TBCE: variants seen among roughly 807,000 people sequenced by gnomAD.
TBCE encodes tubulin folding cofactor E, also known as tubulin-specific chaperone E.
TBCE carries 53 observed loss-of-function variants against 77.0 expected under a neutral mutation model. The ratio of observed to expected loss-of-function variants is 0.69; its 90% CI spans 0.55 to 0.87. TBCE has a LOEUF of 0.87. Ranked by LOEUF, TBCE falls within the 40% of genes least tolerant of loss-of-function variation. TBCE has a pLI of 0.00. For missense variants in TBCE, 624 were observed against 622.4 expected (o/e 1.00, Z -0.03); for synonymous variants, 235 against 241.3 (o/e 0.97, Z 0.24).
chr1:235,414,907 C>A (rs548404648), intron 4 of TBCE: 1 of 370,408 alleles, frequency 2.7e-6, no homozygotes, highest in East Asian at 6.2e-5. Context: ...CCAAGGCTGA[C>A]GTTTGGGTTC....
At position 235,448,651 on chromosome 1, in the gene TBCE, A is replaced by G. The variant is rs1185930748; in HGVS notation, c.1492-19A>G. The G allele has an allele frequency of 1.9e-6, 3 of 1,601,220 alleles. No individual in the cohort carries two copies. Among genetic ancestry groups the G allele is most frequent in the Non-Finnish European group, 2.6e-6 (3 of 1,168,612 alleles). ...ATCTGTCTTAATCACATCCTTCCCC[A>G]CCTTCGTTCTAATTTTAGAAGCCGG... On this transcript the variant is annotated intron_variant, in intron 16 of 16. Coordinates refer to ENST00000642610, the MANE Select transcript of TBCE (RefSeq NM_003193.5).
intron 3 of TBCE, among the ~76,000 whole-genome samples, chr1:235,402,794 TA>T (rs1558363644): frequency 6.6e-6 from 1 of 151,544 alleles, no homozygotes; most frequent in African/African-American, 2.4e-5. Flanking sequence ...CCAGCTAATT[TA>T]AAAAAATAAA....
At chr1:235,416,503 G>A (rs1344988345) in intron 4 of TBCE, among the ~76,000 whole-genome samples, 20 of 150,954 alleles carry the variant, frequency 1.3e-4, no homozygotes, top group Non-Finnish European at 2.9e-4. Context: ...TCCAGCCTAG[G>A]TGACATAGTG....
At chr1:235,370,433 A>G (rs1167859732) in intron 1 of TBCE, among the ~76,000 whole-genome samples, 1 of 151,116 alleles carries the variant, frequency 6.6e-6, no homozygotes, top group Non-Finnish European at 1.5e-5. Flanking sequence ...TTGTATTTTT[A>G]GTAGAGATGG....
chr1:235,421,954 C>G (rs1179920968), intron 5 of TBCE, among the ~76,000 whole-genome samples: 4 of 152,216 alleles, frequency 2.6e-5, no homozygotes, highest in Non-Finnish European at 1.5e-5. Context: ...TGAGGGTTCA[C>G]TTCCCTTGGG....
intron 2 of TBCE, among the ~76,000 whole-genome samples, chr1:235,382,281 G>C (rs1264609593): frequency 6.6e-6 from 1 of 152,054 alleles, no homozygotes; most frequent in South Asian, 2.1e-4. Flanking sequence ...ACATACGTGT[G>C]CATGTGTCTT....
chr1:235,371,352 G>A (rs745872493), intron 1 of TBCE, among the ~76,000 whole-genome samples: 13 of 150,304 alleles, frequency 8.6e-5, no homozygotes, highest in Non-Finnish European at 1.9e-4. Flanking sequence ...CACCGCCCCC[G>A]GCCACTCTTG....
chr1:235,403,285 C>T (rs2102860894), intron 3 of TBCE, among the ~76,000 whole-genome samples: 1 of 152,204 alleles, frequency 6.6e-6, no homozygotes, highest in East Asian at 1.9e-4. Flanking sequence ...TGGCTCACTG[C>T]AACCTCCACC....
chr1:235,368,355 A>C (rs759977431), intron 1 of TBCE, among the ~76,000 whole-genome samples: 5 of 152,108 alleles, frequency 3.3e-5, no homozygotes, highest in African/African-American at 1.2e-4. Context: ...TGTTAGAGAA[A>C]GTTAGTGGAG....
At chr1:235,384,622 C>T (rs2102822269) in intron 2 of TBCE, among the ~76,000 whole-genome samples, 1 of 150,340 alleles carries the variant, frequency 6.7e-6, no homozygotes, top group Admixed American at 6.6e-5. Context: ...TTGTAGTATT[C>T]TCTGATGGTA....
At chr1:235,389,532 C>G (rs1285186618) in intron 2 of TBCE, among the ~76,000 whole-genome samples, 1 of 152,020 alleles carries the variant, frequency 6.6e-6, no homozygotes, top group Non-Finnish European at 1.5e-5. Context: ...GGGGTTTCAC[C>G]ATGTTGGCCA....
intron 5 of TBCE, among the ~76,000 whole-genome samples, chr1:235,426,398 T>C (rs1222428683): frequency 2.0e-5 from 3 of 152,164 alleles, no homozygotes; most frequent in African/African-American, 7.2e-5. Context: ...AGTTGACCCC[T>C]CTTCTCTGCC....
intron 15 of TBCE, among the ~76,000 whole-genome samples, 149 bp from the exon 16 acceptor site, chr1:235,448,196 TTAAG>T (rs562018636): frequency 3.4e-3 from 470 of 139,054 alleles, no homozygotes; most frequent in Middle Eastern, 8.5e-3. Flanking sequence ...CAAGACTTAC[TTAAG>T]TAAGTAAGTA....
intron 3 of TBCE, chr1:235,414,087 C>T: frequency 3.1e-6 from 1 of 319,724 alleles, no homozygotes; most frequent in Non-Finnish European, 6.0e-6. Context: ...AACTCCTGAC[C>T]TCAGGTGGTC....
At chr1:235,378,901 A>G (rs1411926337) in intron 1 of TBCE, among the ~76,000 whole-genome samples, 2 of 152,094 alleles carry the variant, frequency 1.3e-5, no homozygotes, top group African/African-American at 4.8e-5. Context: ...TTAGACAAAG[A>G]TGAAGGTTTG....
At chr1:235,414,178 T>C (rs1679979817) in intron 3 of TBCE, among the ~76,000 whole-genome samples, 1 of 152,204 alleles carries the variant, frequency 6.6e-6, no homozygotes, top group African/African-American at 2.4e-5. Context: ...TTAATACTTC[T>C]GTTTTTTCTA....
At chr1:235,368,298 C>T (rs1426770073) in intron 1 of TBCE, among the ~76,000 whole-genome samples, 2 of 152,146 alleles carry the variant, frequency 1.3e-5, no homozygotes, top group Non-Finnish European at 2.9e-5. Flanking sequence ...GCCTTATCCT[C>T]AGAGAAGCAG....
intron 2 of TBCE, 99 bp from the exon 3 acceptor site, chr1:235,401,404 T>G: frequency 1.0e-6 from 1 of 974,666 alleles, no homozygotes; most frequent in Non-Finnish European, 1.6e-6. Context: ...GGTATCTGTG[T>G]GATATGGTTT....
At position 235,448,019 on chromosome 1, in the gene TBCE, G is replaced by T. The variant is rs184489492; in HGVS notation, c.1400-330G>T. The stretch of plus-strand genomic sequence containing the variant: ...AGGTCAGGAGTTCAAGACCAGCCTG[G>T]CCAACATGGTGAAACCCCGTCTCTA... On this transcript the variant is annotated intron_variant, in intron 15 of 16. Coordinates refer to ENST00000642610, the MANE Select transcript of TBCE (RefSeq NM_003193.5). Among the ~76,000 whole-genome samples the T allele has an allele frequency of 9.5e-4, 145 of 152,100 alleles. No individual in the cohort carries two copies. In the Middle Eastern group the frequency reaches 0.014, roughly 14 times the overall value.
Sources: gnomAD v4.1 joint callset for allele counts (sites outside exome capture counted in the v4.1 genomes callset) on GRCh38, gnomAD v4.1.1 for gene constraint, MANE v1.5 for transcripts, NCBI Gene and HGNC (gene_info 2026-07-23, HGNC 2026-07-21) for gene names.